ERG: variants seen among roughly 807,000 people sequenced by gnomAD.
The protein encoded by ERG is ETS transcription factor ERG.
Under a neutral mutation model 55.3 loss-of-function variants are expected in ERG, and 9 were observed. The observed-to-expected ratio is 0.16, with a 90% CI of 0.10 to 0.28. ERG has a LOEUF of 0.28. Among genes scored for constraint, ERG ranks in the 10% least tolerant of loss-of-function variants. The pLI is 1.00. For synonymous variants in ERG, 223 were observed against 237.3 expected, an observed-to-expected ratio of 0.94 and a Z score of 0.55; for missense variants, 434 against 631.6, an observed-to-expected ratio of 0.69 and a Z score of 3.35.
At chr21:38,430,174 G>T (rs1233527207) in intron 2 of ERG, among the ~76,000 whole-genome samples, 1 of 152,078 alleles carries the variant, frequency 6.6e-6, no homozygotes. Flanking sequence ...AACAAGTGAT[G>T]TTGAGTGTTT....
chr21:38,378,256 G>A (rs539452224), downstream of ERG, among the ~76,000 whole-genome samples: 23 of 152,292 alleles, frequency 1.5e-4, no homozygotes, highest in African/African-American at 4.3e-4. Context: ...GCACTGGACC[G>A]AAGAAGACCT....
intron 2 of ERG, among the ~76,000 whole-genome samples, chr21:38,562,918 T>C (rs2059901607): frequency 6.6e-6 from 1 of 152,196 alleles, no homozygotes; most frequent in South Asian, 2.1e-4. Context: ...ATTCACCTAA[T>C]TTTAAAAGAG....
chr21:38,565,008 T>C (rs778136581), intron 2 of ERG, among the ~76,000 whole-genome samples: 3 of 152,204 alleles, frequency 2.0e-5, no homozygotes, highest in Non-Finnish European at 4.4e-5. Flanking sequence ...AACCCCACTT[T>C]TGACTTCCTG....
intron 2 of ERG, among the ~76,000 whole-genome samples, chr21:38,424,579 G>T (rs187944719): frequency 2.0e-4 from 30 of 152,230 alleles, no homozygotes; most frequent in African/African-American, 7.2e-4. Flanking sequence ...CTTTGTTCTC[G>T]CGGTGTGACA....
At chr21:38,534,060 C>T (rs2059691685) in intron 2 of ERG, among the ~76,000 whole-genome samples, 1 of 152,130 alleles carries the variant, frequency 6.6e-6, no homozygotes, top group African/African-American at 2.4e-5. Flanking sequence ...TACACTGCAA[C>T]AAAGAGTTGC....
chr21:38,384,043 C>T (rs1037604035), intron 9 of ERG, 120 bp from the exon 10 acceptor site: 11 of 1,348,152 alleles, frequency 8.2e-6, no homozygotes, highest in Non-Finnish European at 1.1e-5. Context: ...TTCACCAGGC[C>T]TGTCCGTCCA....
chr21:38,487,225 A>T (rs1370209816), intron 1 of ERG, among the ~76,000 whole-genome samples: 3 of 151,436 alleles, frequency 2.0e-5, no homozygotes, highest in Non-Finnish European at 4.4e-5. Flanking sequence ...TTTAAAAAGG[A>T]TACATTGGTA....
At chr21:38,660,326 C>A (rs1400308146) in intron 1 of ERG, among the ~76,000 whole-genome samples, 2 of 152,216 alleles carry the variant, frequency 1.3e-5, no homozygotes, top group African/African-American at 4.8e-5. Flanking sequence ...CATCCGCACC[C>A]GACTGCACGC....
chr21:38,586,567 A>AGT (rs2060066577), upstream of ERG, among the ~76,000 whole-genome samples: 1 of 152,144 alleles, frequency 6.6e-6, no homozygotes, highest in Non-Finnish European at 1.5e-5. Context: ...CAAAAAGACA[A>AGT]GTGTTGGTGG....
chr21:38,537,160 G>C (rs544637607), intron 2 of ERG, among the ~76,000 whole-genome samples: 2 of 152,068 alleles, frequency 1.3e-5, no homozygotes, highest in East Asian at 3.9e-4. Flanking sequence ...ACTCAAAATA[G>C]AACAAAGACC....
intron 2 of ERG, among the ~76,000 whole-genome samples, chr21:38,541,840 G>A (rs938536860): frequency 1.2e-4 from 18 of 152,154 alleles, no homozygotes; most frequent in Non-Finnish European, 1.2e-4. Flanking sequence ...GTTGATAGGT[G>A]CAGGGAACCA....
chr21:38,597,887 AC>A (rs2060141764), intron 1 of ERG, among the ~76,000 whole-genome samples: 1 of 152,272 alleles, frequency 6.6e-6, no homozygotes, highest in Non-Finnish European at 1.5e-5. Flanking sequence ...TTTAGAAATT[AC>A]GTGATGTAAT....
At chr21:38,622,173 ATTTGTACTCT>A (rs906445706) in intron 1 of ERG, among the ~76,000 whole-genome samples, 17 of 152,202 alleles carry the variant, frequency 1.1e-4, no homozygotes, top group African/African-American at 3.9e-4. Context: ...AGGGGACTAG[ATTTGTACTCT>A]TTTTAGCCAA....
In ERG at chr21:38,416,693, A is replaced by T. The variant is rs1294951180; in HGVS notation, c.388+6717T>A. On this transcript the variant is annotated intron_variant, in intron 3 of 9. Transcript: ENST00000288319. ...AGTATATACATGCATTTGAGAATAC[A>T]ATATGAAACAAAATAAAGTATGATA... 7.9e-5 allele frequency among the ~76,000 whole-genome samples: 12 copies of T among 152,262 alleles called. No individual in the cohort carries two copies. In the East Asian group the frequency reaches 2.3e-3, roughly 29 times the overall value.
intron 3 of ERG, among the ~76,000 whole-genome samples, chr21:38,411,186 C>G (rs1989029734): frequency 6.6e-6 from 1 of 152,310 alleles, no homozygotes; most frequent in Non-Finnish European, 1.5e-5. Context: ...AAATAAAGAG[C>G]CTACCTCAAG....
intron 1 of ERG, among the ~76,000 whole-genome samples, chr21:38,631,535 C>T (rs1209722683): frequency 6.6e-6 from 1 of 152,116 alleles, no homozygotes; most frequent in Admixed American, 6.6e-5. Flanking sequence ...TTTTTATAGC[C>T]TTCCCGTCCT....
upstream of ERG, among the ~76,000 whole-genome samples, chr21:38,589,400 T>C (rs145790524): frequency 6.6e-6 from 1 of 152,298 alleles, no homozygotes; most frequent in Non-Finnish European, 1.5e-5. Context: ...CTGGCTGCCC[T>C]TCCTCCCTTA....
intron 1 of ERG, among the ~76,000 whole-genome samples, chr21:38,650,650 T>TA (rs370153982): frequency 8.1e-5 from 12 of 148,032 alleles, no homozygotes; most frequent in Middle Eastern, 3.4e-3. Context: ...AAATAAAAAT[T>TA]AAAAAAAAAA....
At chr21:38,541,912 A>T (rs201225716) in intron 2 of ERG, among the ~76,000 whole-genome samples, 2 of 151,736 alleles carry the variant, frequency 1.3e-5, no homozygotes, top group African/African-American at 4.8e-5. Flanking sequence ...CCTGGAACGT[A>T]AAATTAAATT....
Sources: gnomAD v4.1 joint callset for allele counts (sites outside exome capture counted in the v4.1 genomes callset) on GRCh38, gnomAD v4.1.1 for gene constraint, MANE v1.5 for transcripts, NCBI Gene and HGNC (gene_info 2026-07-23, HGNC 2026-07-21) for gene names.